Variants in PPM1D observed in about 807,000 individuals in gnomAD.
PPM1D encodes the protein protein phosphatase 1D.
A neutral mutation model predicts 58.3 loss-of-function variants in PPM1D; 52 were observed. The ratio of observed to expected loss-of-function variants is 0.89; its 90% confidence interval spans 0.71 to 1.12. The LOEUF is 1.12. Among genes scored for constraint, PPM1D ranks in the 50% most tolerant of loss-of-function variants. The pLI is 0.00. For missense variants in PPM1D, 564 were observed against 777.2 expected, an observed-to-expected ratio of 0.73 and a Z score of 3.26; for synonymous variants, 278 against 285.1, an observed-to-expected ratio of 0.98 and a Z score of 0.25.
intron 4 of PPM1D, among the ~76,000 whole-genome samples, chr17:60,655,475 A>G (rs899795934): frequency 1.3e-5 from 2 of 152,062 alleles, no homozygotes; most frequent in Non-Finnish European, 2.9e-5. Context: ...CAGCCTCCCA[A>G]GTAGCTGGGA....
intron 3 of PPM1D, among the ~76,000 whole-genome samples, chr17:60,642,368 T>TTTC (rs1156315038): frequency 6.6e-6 from 1 of 151,566 alleles, no homozygotes; most frequent in African/African-American, 2.4e-5. Flanking sequence ...TTTTTTTTTT[T>TTTC]TTTTTTTACA....
At chr17:60,622,000 A>G (rs541599092) in intron 1 of PPM1D, among the ~76,000 whole-genome samples, 53 of 151,392 alleles carry the variant, frequency 3.5e-4, no homozygotes, top group African/African-American at 1.0e-3. Context: ...ATCCTGGCTA[A>G]CACAGTGAAA....
intron 1 of PPM1D, among the ~76,000 whole-genome samples, chr17:60,614,489 C>T (rs1366510387): frequency 6.6e-6 from 1 of 152,176 alleles, no homozygotes; most frequent in Non-Finnish European, 1.5e-5. Flanking sequence ...ACAGACTAAT[C>T]AGCTCTCTGT....
In PPM1D at chr17:60,663,281, C is replaced by G. The variant is rs772936724; in HGVS notation, c.1547C>G (p.Ser516Ter). ...ATGGACCAAAAAAATTTGAAGATGT[C>G]AACTCCTGGCCAAATGAAAGCCCAA... ...TVMDQKNLKM[S>*]TPGQMKAQEI... Residue 516 changes from serine (S) to a stop codon, truncating the protein, a stop_gained, in exon 6 of 6, where the codon TCA becomes TGA. Coordinates refer to ENST00000305921, the MANE Select transcript of PPM1D (RefSeq NM_003620.4). LOFTEE classifies it high-confidence loss of function. The G allele has an allele frequency of 1.2e-6, 2 of 1,614,038 alleles. No homozygotes were observed. The highest frequency in any genetic ancestry group is 1.7e-6 in the Non-Finnish European group (2 of 1,180,028).
chr17:60,632,205 A>T (rs1018057302), intron 2 of PPM1D, among the ~76,000 whole-genome samples: 4 of 151,656 alleles, frequency 2.6e-5, no homozygotes, highest in Non-Finnish European at 5.9e-5. Context: ...AAAACAAAAA[A>T]AAAAACCTAA....
At chr17:60,617,987 A>G (rs1440640707) in intron 1 of PPM1D, among the ~76,000 whole-genome samples, 1 of 152,144 alleles carries the variant, frequency 6.6e-6, no homozygotes, top group Non-Finnish European at 1.5e-5. Context: ...TGTTTTTCTT[A>G]ATAGTTTCAC....
At chr17:60,631,026 C>T (rs982597464) in intron 2 of PPM1D, among the ~76,000 whole-genome samples, 1 of 152,202 alleles carries the variant, frequency 6.6e-6, no homozygotes, top group African/African-American at 2.4e-5. Flanking sequence ...TTATGATCAA[C>T]CTATTTATAT....
intron 1 of PPM1D, among the ~76,000 whole-genome samples, chr17:60,603,835 A>T (rs1183389920): frequency 1.3e-5 from 2 of 152,240 alleles, no homozygotes; most frequent in African/African-American, 4.8e-5. Flanking sequence ...TGGTTGAAGT[A>T]TCTAAAGAAA....
At chr17:60,641,374 G>A (rs566445504) in intron 3 of PPM1D, among the ~76,000 whole-genome samples, 17 of 152,190 alleles carry the variant, frequency 1.1e-4, no homozygotes, top group African/African-American at 4.1e-4. Flanking sequence ...ATGATTCTTG[G>A]CCGTTTGCAT....
At chr17:60,612,671 G>A (rs182684051) in intron 1 of PPM1D, among the ~76,000 whole-genome samples, 30 of 152,168 alleles carry the variant, frequency 2.0e-4, no homozygotes, top group South Asian at 6.2e-4. Context: ...TCAGAAACCC[G>A]GATACTTTTA....
chr17:60,630,278 C>G (rs1470928932), intron 2 of PPM1D, among the ~76,000 whole-genome samples: 1 of 152,002 alleles, frequency 6.6e-6, no homozygotes, highest in African/African-American at 2.4e-5. Flanking sequence ...AAATACCTTT[C>G]TTGACTATTC....
chr17:60,662,691 A>G (rs551221603), intron 5 of PPM1D, among the ~76,000 whole-genome samples: 68 of 152,258 alleles, frequency 4.5e-4, no homozygotes, highest in African/African-American at 1.3e-3. Flanking sequence ...TTACCTGCCA[A>G]TGGATAGAAA....
At chr17:60,602,274 C>A (rs1003773262) in intron 1 of PPM1D, among the ~76,000 whole-genome samples, 1 of 152,044 alleles carries the variant, frequency 6.6e-6, no homozygotes, top group Non-Finnish European at 1.5e-5. Context: ...AACGAGAAGT[C>A]GACAGCAGCA....
At chr17:60,615,491 A>G (rs896126066) in intron 1 of PPM1D, among the ~76,000 whole-genome samples, 1 of 151,940 alleles carries the variant, frequency 6.6e-6, no homozygotes, top group Non-Finnish European at 1.5e-5. Context: ...GTTTTATGTC[A>G]TTAAAAAAAT....
chr17:60,600,962 G>C, intron 1 of PPM1D, 76 bp downstream of exon 1: 1 of 1,589,148 alleles, frequency 6.3e-7, no homozygotes, highest in South Asian at 1.1e-5. Context: ...GCCCCGCGTG[G>C]GCCCCCGGCA....
chr17:60,662,527 A>G (rs73990935), intron 5 of PPM1D: 5,759 of 155,076 alleles, frequency 0.037, 397 homozygotes, highest in African/African-American at 0.13. Context: ...GCATTATGTT[A>G]TTACCAAAAG....
intron 2 of PPM1D, among the ~76,000 whole-genome samples, chr17:60,630,876 G>T (rs1442687221): frequency 6.6e-6 from 1 of 152,222 alleles, no homozygotes; most frequent in Non-Finnish European, 1.5e-5. Context: ...AAGGCAGAAT[G>T]TTGGCATCTT....
intron 3 of PPM1D, among the ~76,000 whole-genome samples, chr17:60,642,106 A>C (rs1346278358): frequency 2.0e-5 from 3 of 152,226 alleles, no homozygotes; most frequent in African/African-American, 4.8e-5. Flanking sequence ...TCTGATCCTT[A>C]CCAGTTATTT....
At chr17:60,645,534 G>A (rs1480007417) in intron 3 of PPM1D, among the ~76,000 whole-genome samples, 5 of 133,000 alleles carry the variant, frequency 3.8e-5, no homozygotes, top group Non-Finnish European at 7.9e-5. Flanking sequence ...ATATATATAT[G>A]TGTATATATA....
Sources: allele counts gnomAD v4.1 joint callset (sites outside exome capture counted in the v4.1 genomes callset), GRCh38; gene constraint gnomAD v4.1.1; transcripts MANE v1.5; gene names NCBI Gene and HGNC (gene_info 2026-07-23, HGNC 2026-07-21).